The following PRAG1 variants were observed in gnomAD, a reference collection of about 807,000 sequenced individuals.
PRAG1 encodes the protein inactive tyrosine-protein kinase PRAG1.
Under a neutral mutation model 95.6 loss-of-function variants are expected in PRAG1, and 110 were observed. The observed-to-expected ratio is 1.15, with a 90% confidence interval of 0.99 to 1.35. The LOEUF (loss-of-function observed/expected upper bound fraction) is 1.35, where lower values mean the gene tolerates loss of function less well. PRAG1 is among the 40% of genes most tolerant of loss of function. PRAG1 has a pLI of 0.00. For synonymous variants in PRAG1, 1,052 were observed against 819.4 expected (o/e 1.28, Z -4.85); for missense variants, 2,554 against 1,864.7 (o/e 1.37, Z -6.81).
intron 3 of PRAG1, among the ~76,000 whole-genome samples, chr8:8,374,219 G>C (rs763453558): frequency 2.0e-5 from 3 of 152,222 alleles, no homozygotes; most frequent in Non-Finnish European, 4.4e-5. Context: ...TCTCAGTTTA[G>C]AGACCAACTC....
chr8:8,377,523 C>G lies in PRAG1; in HGVS notation c.886G>C (p.Gly296Arg), dbSNP rs370150466. ...CCCCGCTTCTCCTGCTCTGCGGGCC[C>G]GGAACACTTCCCCTGCTCCCAGCAC... ...PTCWEQGKCS[G>R]PAEQEKRGPS... Residue 296 changes from glycine (G) to arginine (R), a missense_variant, in exon 3 of 6, where the codon GGG becomes CGG. Physicochemically the swap from Gly to Arg is moderately radical, Grantham distance 125 (BLOSUM62 -2). Transcript: ENST00000615670. 1 of 1,577,960 alleles carries G rather than the reference C, an allele frequency of 6.3e-7. No homozygotes were observed. The highest frequency in any genetic ancestry group is 8.6e-7 in the Non-Finnish European group (1 of 1,161,020).
At chr8:8,345,379 A>G (rs200288031) in intron 3 of PRAG1, among the ~76,000 whole-genome samples, 15 of 151,434 alleles carry the variant, frequency 9.9e-5, no homozygotes, top group South Asian at 2.1e-4. Flanking sequence ...AAAAAAAAAA[A>G]AAAGAAAGAA....
chr8:8,372,716 A>G (rs1013957073), intron 3 of PRAG1, among the ~76,000 whole-genome samples: 6 of 152,230 alleles, frequency 3.9e-5, no homozygotes, highest in Non-Finnish European at 8.8e-5. Flanking sequence ...AATATCTCAA[A>G]AAGACAGATA....
rs1480563547 is a variant in PRAG1, at chr8:8,337,120, TAGA to T, written c.2320+2355_2320+2357del. Among the ~76,000 whole-genome samples the T allele has an allele frequency of 2.9e-4, 44 of 152,330 alleles. 1 individual carries two copies. The Middle Eastern group carries it at 0.024, about 82-fold the overall frequency. On this transcript the variant is annotated intron_variant, in intron 4 of 5. Transcript: ENST00000615670. ...CAGATTCTTACTGACAAAATAAATG[TAGA>T]AGAGTCTAATGGTATCTTTTGGCTT...
intron 5 of PRAG1, among the ~76,000 whole-genome samples, chr8:8,326,232 T>G (rs936535492): frequency 2.0e-5 from 3 of 148,094 alleles, no homozygotes; most frequent in African/African-American, 7.3e-5. Context: ...TATATATTAT[T>G]TATATATACT....
At chr8:8,348,258 C>A (rs762927732) in intron 3 of PRAG1, among the ~76,000 whole-genome samples, 6 of 152,186 alleles carry the variant, frequency 3.9e-5, no homozygotes, top group Non-Finnish European at 5.9e-5. Context: ...GGTAAAAGCA[C>A]CCTGACTCAA....
intron 4 of PRAG1, among the ~76,000 whole-genome samples, chr8:8,328,667 C>A (rs573313803): frequency 6.6e-6 from 1 of 152,292 alleles, no homozygotes; most frequent in South Asian, 2.1e-4. Context: ...ACTAAGTCTT[C>A]CTCCTACCCT....
At chr8:8,327,598 C>G in intron 5 of PRAG1, 112 bp downstream of exon 5, 3 of 1,219,784 alleles carry the variant, frequency 2.5e-6, no homozygotes, top group Non-Finnish European at 3.4e-6. Context: ...GCTTAGGAAT[C>G]AACTCCCCTC....
Position 8,339,525 on chromosome 8 carries a change from C to G in PRAG1, c.2273G>C (p.Gly758Ala), listed in dbSNP as rs1308528825. 1.2e-6 allele frequency: 2 copies of G among 1,614,160 alleles called. No individual in the cohort carries two copies. The highest frequency in any genetic ancestry group is 8.5e-7 in the Non-Finnish European group (1 of 1,180,034). ...GTCTGAGGCCAGGCTGTCCGTGGAGCCGGTGGTGAAGCTGACGTGGACACC... is the reference window on the plus strand; with the variant it reads ...GTCTGAGGCCAGGCTGTCCGTGGAGGCGGTGGTGAAGCTGACGTGGACACC... ...FRGVHVSFTT[G>A]STDSLASDSR... The change falls in exon 4 of 6, where the codon GGC becomes GCC. Residue 758 changes from glycine to alanine, a missense_variant. Transcript: ENST00000615670.
intron 3 of PRAG1, among the ~76,000 whole-genome samples, chr8:8,345,445 G>A (rs973984958): frequency 1.3e-5 from 2 of 151,976 alleles, no homozygotes; most frequent in Non-Finnish European, 2.9e-5. Context: ...AGTTGTAAAT[G>A]GGGATATAAC....
intron 3 of PRAG1, among the ~76,000 whole-genome samples, chr8:8,346,358 T>C (rs1288403646): frequency 1.3e-5 from 2 of 152,372 alleles, no homozygotes; most frequent in African/African-American, 2.4e-5. Flanking sequence ...AAAGACATCT[T>C]GTGCTTAACC....
intron 5 of PRAG1, among the ~76,000 whole-genome samples, chr8:8,323,442 C>T (rs919527545): frequency 1.3e-5 from 2 of 152,024 alleles, no homozygotes; most frequent in African/African-American, 2.4e-5. Context: ...CTCAGCCTCC[C>T]AAGTGGCTGG....
intron 3 of PRAG1, among the ~76,000 whole-genome samples, chr8:8,351,295 T>C (rs1284777332): frequency 6.6e-6 from 1 of 152,126 alleles, no homozygotes; most frequent in Non-Finnish European, 1.5e-5. Flanking sequence ...AACCCTATCA[T>C]GAGAACAGCA....
intron 4 of PRAG1, among the ~76,000 whole-genome samples, chr8:8,329,777 A>T (rs546984158): frequency 6.6e-5 from 10 of 152,178 alleles, no homozygotes; most frequent in South Asian, 2.1e-4. Context: ...ATAGATCAAG[A>T]CTGGGTCTCT....
intron 3 of PRAG1, among the ~76,000 whole-genome samples, chr8:8,355,430 A>G (rs947106136): frequency 1.3e-5 from 2 of 152,204 alleles, no homozygotes; most frequent in Admixed American, 1.3e-4. Context: ...ATTCATATGG[A>G]ATGACAAAAA....
intron 3 of PRAG1, among the ~76,000 whole-genome samples, chr8:8,367,792 C>A (rs1028999577): frequency 6.6e-6 from 1 of 152,094 alleles, no homozygotes. Flanking sequence ...CAGGTGCGTG[C>A]CACCATGCCC....
chr8:8,325,821 G>A (rs998521767), intron 5 of PRAG1, among the ~76,000 whole-genome samples: 2 of 151,990 alleles, frequency 1.3e-5, no homozygotes, highest in African/African-American at 2.4e-5. Context: ...ACTGAGGCAG[G>A]AGAATCGCTT....
intron 3 of PRAG1, among the ~76,000 whole-genome samples, chr8:8,375,395 G>A (rs537155333): frequency 6.6e-6 from 1 of 151,954 alleles, no homozygotes; most frequent in Non-Finnish European, 1.5e-5. Context: ...GTAGAGACGG[G>A]GTTTCACTGT....
In PRAG1 at chr8:8,318,229, C is replaced by T; in HGVS notation, c.4146G>A (p.Trp1382Ter). The change falls in exon 6 of 6, where the codon TGG becomes TGA. Residue 1382 changes from tryptophan to a stop codon, truncating the protein, a stop_gained. Transcript: ENST00000615670. LOFTEE classifies it high-confidence loss of function. The surrounding 1 kb of genome is among the most constrained non-coding windows in gnomAD (Gnocchi z 4.2). ...CAGACGCCAGGTACTGGCAGCAAAG[C>T]CAGTCCTCCAGCTCCACGCCCCGCC... The part of the protein sequence containing the change: ...DRRRGVELED[W>*]LCCQYLASAE... The T allele has an allele frequency of 1.2e-6, 2 of 1,614,208 alleles. No individual in the cohort carries two copies. Among genetic ancestry groups the T allele is most frequent in the Non-Finnish European group, 1.7e-6 (2 of 1,180,034 alleles).
Sources: gnomAD v4.1 joint callset for allele counts (sites outside exome capture counted in the v4.1 genomes callset) on GRCh38, gnomAD v4.1.1 for gene constraint, Gnocchi (gnomAD v3.1) non-coding constraint, MANE v1.5 for transcripts, NCBI Gene and HGNC (gene_info 2026-07-23, HGNC 2026-07-21) for gene names.